The following SEMA5A variants were observed in gnomAD, a reference collection of about 807,000 sequenced individuals.
SEMA5A encodes the protein semaphorin 5A.
SEMA5A carries 55 observed loss-of-function variants against 135.5 expected under a neutral mutation model. The observed-to-expected ratio is 0.41, with a 90% CI of 0.33 to 0.51. The LOEUF (loss-of-function observed/expected upper bound fraction) is 0.51, where lower values mean the gene tolerates loss of function less well. Ranked by LOEUF, SEMA5A falls within the 20% of genes least tolerant of loss-of-function variation. SEMA5A has a pLI of 0.37. For synonymous variants in SEMA5A, 580 were observed against 546.5 expected (o/e 1.06, Z -0.85); for missense variants, 1,290 against 1,419.9 (o/e 0.91, Z 1.47).
At chr5:9,088,659 T>TATATATACACACAC in intron 16 of SEMA5A, among the ~76,000 whole-genome samples, 2 of 112,840 alleles carry the variant, frequency 1.8e-5, no homozygotes, top group African/African-American at 8.5e-5. Context: ...TATATATATA[T>TATATATACACACAC]ACACACACAC....
At chr5:9,309,590 A>G (rs1425841677) in intron 5 of SEMA5A, among the ~76,000 whole-genome samples, 1 of 152,080 alleles carries the variant, frequency 6.6e-6, no homozygotes, top group Non-Finnish European at 1.5e-5. Context: ...GGGATACCAT[A>G]AGAGAACACT....
rs939875909 is a variant in SEMA5A, at chr5:9,475,734, G to GA, written c.-174-37883dup. Among the ~76,000 whole-genome samples, 8 of 152,040 alleles carry GA rather than the reference G, an allele frequency of 5.3e-5. No individual in the cohort carries two copies. In the East Asian group the frequency reaches 5.8e-4, roughly 11 times the overall value. Reference sequence around the variant, plus strand: ...TTGACTGGAAGCTACTCTATAGCAGGAAAAAAGAGTCTCATTCATATTTGT... The same window carrying GA: ...TTGACTGGAAGCTACTCTATAGCAGGAAAAAAAGAGTCTCATTCATATTTGT... On this transcript the variant is annotated intron_variant, in intron 1 of 22. Transcript: ENST00000382496.
intron 16 of SEMA5A, among the ~76,000 whole-genome samples, chr5:9,094,428 C>A (rs895231365): frequency 2.0e-5 from 3 of 152,160 alleles, no homozygotes; most frequent in African/African-American, 7.2e-5. Flanking sequence ...GACGTCAAGG[C>A]CTTATTACTG....
chr5:9,407,426 A>G (rs748607347), intron 2 of SEMA5A, among the ~76,000 whole-genome samples: 4 of 152,258 alleles, frequency 2.6e-5, no homozygotes, highest in Admixed American at 2.0e-4. Context: ...TATATAATGG[A>G]TACCAGAAAA....
At chr5:9,459,094 A>C (rs919828630) in intron 1 of SEMA5A, among the ~76,000 whole-genome samples, 83 of 152,336 alleles carry the variant, frequency 5.4e-4, no homozygotes, top group African/African-American at 1.9e-3. Flanking sequence ...TAAGGTTAAT[A>C]GCTAATATCA....
In SEMA5A at chr5:9,384,653, TAGATAGATATAGATAGATAGATATAG is replaced by T. The variant is rs1561208188; in HGVS notation, c.-77-4656_-77-4631del. ...ATAGATAGATAGATAGATAGATAGATAGATAGATATAGATAGATAGATATAGATAGATAGATAGATAGATAGATAGA... is the reference window on the plus strand; with the variant it reads ...ATAGATAGATAGATAGATAGATAGATATAGATAGATAGATAGATAGATAGA... On this transcript the variant is annotated intron_variant, in intron 2 of 22. Coordinates refer to ENST00000382496, the MANE Select transcript of SEMA5A (RefSeq NM_003966.3). Among the ~76,000 whole-genome samples, 111 of 130,702 alleles carry T rather than the reference TAGATAGATATAGATAGATAGATATAG, an allele frequency of 8.5e-4. 3 individuals are homozygous for T. The highest frequency in any genetic ancestry group is 7.7e-3 in the Middle Eastern group (2 of 260). 85.7% of individuals were successfully genotyped at this position (130,702 alleles called of 152,430 possible).
At chr5:9,466,734 C>T (rs557010623) in intron 1 of SEMA5A, among the ~76,000 whole-genome samples, 2 of 152,318 alleles carry the variant, frequency 1.3e-5, no homozygotes, top group South Asian at 4.1e-4. Flanking sequence ...ATTATCTGGG[C>T]TTGGTTTCAC....
At chr5:9,162,585 T>TATATATATACAC (rs370982773) in intron 11 of SEMA5A, among the ~76,000 whole-genome samples, 24 of 112,064 alleles carry the variant, frequency 2.1e-4, no homozygotes, top group East Asian at 1.2e-3. Flanking sequence ...TATATATATA[T>TATATATATACAC]ACACACACAC....
chr5:9,050,457 T>C lies in SEMA5A; in HGVS notation c.2846A>G (p.Glu949Gly). Reference protein sequence around the residue: ...PCVFDSNFIPEVSVARSSSVE... With the variant: ...PCVFDSNFIPGVSVARSSSVE... ...GCTACTGGATCTTGCCACAGATACTTCTGGAAAAAGAAAAGTCGAATCACA... is the reference window on the plus strand; with the variant it reads ...GCTACTGGATCTTGCCACAGATACTCCTGGAAAAAGAAAAGTCGAATCACA... The change falls in exon 21 of 23, where the codon GAA becomes GGA. Residue 949 changes from glutamate (E) to glycine (G), a missense_variant and splice_region_variant. Glu to Gly is a moderately conservative substitution (Grantham distance 98). Around this residue, in one of 3 missense-constraint regions of SEMA5A, gnomAD observed 1,029 missense variants for 1,086.6 expected, o/e 0.95. Transcript: ENST00000382496. 2 of 1,612,306 alleles carry C rather than the reference T, an allele frequency of 1.2e-6. No homozygotes were observed. The highest frequency in any genetic ancestry group is 1.7e-6 in the Non-Finnish European group (2 of 1,179,262).
chr5:9,281,280 AC>A (rs1438224324), intron 5 of SEMA5A, among the ~76,000 whole-genome samples: 4 of 152,224 alleles, frequency 2.6e-5, no homozygotes, highest in African/African-American at 9.6e-5. Flanking sequence ...TCATGCAAAT[AC>A]CTAATTCAAT....
At chr5:9,094,062 G>A (rs181875442) in intron 16 of SEMA5A, among the ~76,000 whole-genome samples, 11 of 152,192 alleles carry the variant, frequency 7.2e-5, no homozygotes, top group East Asian at 3.9e-4. Flanking sequence ...TTATTACTTC[G>A]TTATTATTTA....
intron 11 of SEMA5A, among the ~76,000 whole-genome samples, chr5:9,171,818 GGTCA>G (rs1468312001): frequency 6.6e-6 from 1 of 152,188 alleles, no homozygotes; most frequent in Non-Finnish European, 1.5e-5. Context: ...GAGGATGAGA[GGTCA>G]GTGCCTGGAG....
intron 9 of SEMA5A, among the ~76,000 whole-genome samples, chr5:9,200,884 G>C (rs1002634645): frequency 1.3e-5 from 2 of 152,112 alleles, no homozygotes; most frequent in East Asian, 1.9e-4. Flanking sequence ...GACATCATAG[G>C]GTGACCAGTT....
At chr5:9,472,634 AT>A (rs3839328) in intron 1 of SEMA5A, among the ~76,000 whole-genome samples, 43,817 of 151,908 alleles carry the variant, frequency 0.29, 6,698 homozygotes, top group East Asian at 0.52. Context: ...TATAATAATA[AT>A]TTTGTTCACT....
intron 1 of SEMA5A, among the ~76,000 whole-genome samples, chr5:9,438,586 A>G (rs1758118678): frequency 6.6e-6 from 1 of 152,182 alleles, no homozygotes; most frequent in Non-Finnish European, 1.5e-5. Flanking sequence ...CCATATGAGA[A>G]ATGTGTTCAT....
intron 11 of SEMA5A, among the ~76,000 whole-genome samples, chr5:9,182,038 G>A (rs897708487): frequency 2.0e-5 from 3 of 151,684 alleles, no homozygotes; most frequent in South Asian, 2.1e-4. Flanking sequence ...GTTTCTCTCC[G>A]CACATTGCAC....
Position 9,138,693 on chromosome 5 carries a change from C to A in SEMA5A, c.1482-2072G>T, listed in dbSNP as rs539715201. Among the ~76,000 whole-genome samples the A allele has an allele frequency of 2.0e-5, 3 of 152,204 alleles. No individual in the cohort carries two copies. In the South Asian group the frequency reaches 6.2e-4, roughly 32 times the overall value. ...GTGATTTATGAGATTTTGGTGCACC[C>A]ATCACCCAAGCAGTATACAATATCC... On this transcript the variant is annotated intron_variant, in intron 12 of 22. Coordinates refer to ENST00000382496, the MANE Select transcript of SEMA5A (RefSeq NM_003966.3).
intron 3 of SEMA5A, among the ~76,000 whole-genome samples, chr5:9,369,904 C>G (rs967546494): frequency 6.6e-6 from 1 of 152,034 alleles, no homozygotes; most frequent in Non-Finnish European, 1.5e-5. Flanking sequence ...CATTCCCTGC[C>G]TTATATTTTT....
At chr5:9,409,229 T>C (rs532260199) in intron 2 of SEMA5A, among the ~76,000 whole-genome samples, 23 of 152,318 alleles carry the variant, frequency 1.5e-4, no homozygotes, top group South Asian at 8.3e-4. Context: ...TGATGACACA[T>C]GAAAATGATT....
Sources: allele counts gnomAD v4.1 joint callset (sites outside exome capture counted in the v4.1 genomes callset), GRCh38; gene constraint gnomAD v4.1.1; regional missense constraint gnomAD v4.1.1; transcripts MANE v1.5; gene names NCBI Gene and HGNC (gene_info 2026-07-23, HGNC 2026-07-21).